The following SDK1 variants were observed in gnomAD, a reference collection of about 807,000 sequenced individuals.
SDK1 encodes sidekick cell adhesion molecule 1, also known as protein sidekick-1.
SDK1 carries 157 observed loss-of-function variants against 245.5 expected under a neutral mutation model. That is an observed-to-expected ratio of 0.64 (90% CI 0.56 to 0.73). The LOEUF (loss-of-function observed/expected upper bound fraction) is 0.73. Ranked by LOEUF, SDK1 falls within the 30% of genes least tolerant of loss-of-function variation. SDK1 has a pLI of 0.00. For missense variants in SDK1, 3,583 were observed against 3,002.3 expected (o/e 1.19, Z -4.52); for synonymous variants, 1,647 against 1,278.5 (o/e 1.29, Z -6.15).
chr7:4,105,572 T>C (rs920311433), intron 22 of SDK1, among the ~76,000 whole-genome samples: 1 of 152,200 alleles, frequency 6.6e-6, no homozygotes, highest in Non-Finnish European at 1.5e-5. Context: ...CCCAAAGTGC[T>C]GGGATTACAG....
chr7:3,955,557 C>T (rs1002107956), intron 7 of SDK1, among the ~76,000 whole-genome samples: 1 of 152,186 alleles, frequency 6.6e-6, no homozygotes, highest in Non-Finnish European at 1.5e-5. Context: ...GTTCTGTCCA[C>T]CTCGGTGGAC....
Position 3,967,477 on chromosome 7 carries a change from A to G in SDK1, c.1546+43A>G, listed in dbSNP as rs752777501. 4.1e-6 allele frequency: 5 copies of G among 1,219,838 alleles called. No individual in the cohort carries two copies. In the Admixed American group the frequency reaches 6.8e-5, roughly 17 times the overall value. The allele number at this position is 1,219,838 out of a possible 1,614,324, so 75.6% of individuals were successfully genotyped here. A position where few individuals can be genotyped will look rare whatever the true frequency, so the allele number is the denominator to read the frequency against. ...CCCACAACAGCATGGCCCATGTAGA[A>G]CATAACCTATCGGGCCAGTGCTTGC... On this transcript the variant is annotated intron_variant, in intron 10 of 44. Transcript: ENST00000404826.
intron 41 of SDK1, among the ~76,000 whole-genome samples, chr7:4,236,786 G>A (rs1786194957): frequency 1.3e-5 from 2 of 152,246 alleles, no homozygotes; most frequent in African/African-American, 4.8e-5. Context: ...GGCAGGAGGT[G>A]GTGACGGAGA....
intron 14 of SDK1, 93 bp downstream of exon 14, chr7:3,987,415 A>T: frequency 7.7e-7 from 1 of 1,300,440 alleles, no homozygotes. Context: ...GGTCAGACCC[A>T]AAACAACTAC....
intron 4 of SDK1, among the ~76,000 whole-genome samples, chr7:3,725,769 T>C (rs1238972941): frequency 6.6e-6 from 1 of 152,178 alleles, no homozygotes; most frequent in Non-Finnish European, 1.5e-5. Context: ...GTGTGGGAGT[T>C]GTACTGTCGT....
At chr7:4,046,195 A>T (rs186087692) in intron 17 of SDK1, among the ~76,000 whole-genome samples, 1 of 150,622 alleles carries the variant, frequency 6.6e-6, no homozygotes, top group African/African-American at 2.4e-5. Flanking sequence ...TCCTACCTCA[A>T]CCTCCCAAAG....
intron 4 of SDK1, among the ~76,000 whole-genome samples, chr7:3,727,282 T>A (rs2115036696): frequency 6.6e-6 from 1 of 152,292 alleles, no homozygotes; most frequent in Non-Finnish European, 1.5e-5. Context: ...CAGAGTTCTG[T>A]TTGTTTGTGT....
chr7:4,027,487 C>A (rs1378154409), intron 17 of SDK1, among the ~76,000 whole-genome samples: 4 of 152,186 alleles, frequency 2.6e-5, no homozygotes, highest in Non-Finnish European at 5.9e-5. Context: ...CCTGGATATT[C>A]ACATCCACCT....
At chr7:3,328,599 A>G (rs1362988584) in intron 1 of SDK1, among the ~76,000 whole-genome samples, 1 of 152,166 alleles carries the variant, frequency 6.6e-6, no homozygotes, top group African/African-American at 2.4e-5. Context: ...CTTGTACTCA[A>G]AGATAACTGG....
chr7:3,772,638 A>G (rs1408730930), intron 4 of SDK1, among the ~76,000 whole-genome samples: 1 of 152,206 alleles, frequency 6.6e-6, no homozygotes, highest in Non-Finnish European at 1.5e-5. Context: ...TAGCTTTTAC[A>G]ATTGCTTATG....
At chr7:3,312,684 T>A (rs1291609830) in intron 1 of SDK1, among the ~76,000 whole-genome samples, 1 of 152,120 alleles carries the variant, frequency 6.6e-6, no homozygotes, top group Non-Finnish European at 1.5e-5. Context: ...CTGAGGAAAT[T>A]TCTTCGAATA....
intron 1 of SDK1, among the ~76,000 whole-genome samples, chr7:3,490,202 G>A (rs1562518744): frequency 6.6e-6 from 1 of 152,136 alleles, no homozygotes; most frequent in South Asian, 2.1e-4. Flanking sequence ...TCTTTACTTT[G>A]CATCCAGGTA....
chr7:3,744,837 CAAAAAG>C (rs1779574607), intron 4 of SDK1, among the ~76,000 whole-genome samples: 1 of 151,104 alleles, frequency 6.6e-6, no homozygotes, highest in African/African-American at 2.4e-5. Context: ...CAAAAAAAAA[CAAAAAG>C]AAAAAGAAAA....
At chr7:3,681,306 C>T (rs879741045) in intron 4 of SDK1, among the ~76,000 whole-genome samples, 1 of 152,140 alleles carries the variant, frequency 6.6e-6, no homozygotes, top group African/African-American at 2.4e-5. Flanking sequence ...GGAAAGCATT[C>T]GTTTTCATTG....
At chr7:4,193,875 G>C (rs1783381735) in intron 35 of SDK1, among the ~76,000 whole-genome samples, 1 of 152,036 alleles carries the variant, frequency 6.6e-6, no homozygotes, top group Non-Finnish European at 1.5e-5. Flanking sequence ...ATGTTTCTTG[G>C]TTCTCCACAC....
chr7:3,722,205 T>C (rs1007809647), intron 4 of SDK1, among the ~76,000 whole-genome samples: 2 of 152,056 alleles, frequency 1.3e-5, no homozygotes, highest in Admixed American at 1.3e-4. Context: ...CTTGCTAAGA[T>C]TGGCCCATAA....
At chr7:3,937,428 C>A (rs1254086506) in intron 5 of SDK1, among the ~76,000 whole-genome samples, 5 of 152,302 alleles carry the variant, frequency 3.3e-5, no homozygotes, top group South Asian at 2.1e-4. Flanking sequence ...GCAGAACCAC[C>A]CAGCCTGCAG....
At chr7:3,647,325 G>A (rs954368542) in intron 4 of SDK1, among the ~76,000 whole-genome samples, 4 of 152,044 alleles carry the variant, frequency 2.6e-5, no homozygotes, top group African/African-American at 9.7e-5. Flanking sequence ...GTCTTCCAAA[G>A]ACTTCCCACT....
intron 32 of SDK1, among the ~76,000 whole-genome samples, chr7:4,170,236 C>T (rs902389610): frequency 2.6e-5 from 4 of 152,126 alleles, no homozygotes; most frequent in Admixed American, 6.5e-5. Flanking sequence ...CACCTAAGCC[C>T]AGTAGTTCGA....
Sources: allele counts gnomAD v4.1 joint callset (sites outside exome capture counted in the v4.1 genomes callset), GRCh38; gene constraint gnomAD v4.1.1; transcripts MANE v1.5; gene names NCBI Gene and HGNC (gene_info 2026-07-23, HGNC 2026-07-21).